The following TAB2 variants were observed in gnomAD, a reference collection of about 807,000 sequenced individuals.
TAB2 encodes the protein TGF-beta-activated kinase 1 and MAP3K7-binding protein 2.
A neutral mutation model predicts 65.0 loss-of-function variants in TAB2; 3 were observed. The ratio of observed to expected loss-of-function variants is 0.05; its 90% CI spans 0.02 to 0.12. TAB2 has a LOEUF of 0.12. Ranked by LOEUF, TAB2 falls within the 10% of genes least tolerant of loss-of-function variation. The pLI, the probability that TAB2 is intolerant of heterozygous loss-of-function variation, is 1.00. For missense variants in TAB2, 623 were observed against 840.3 expected (o/e 0.74, Z 3.20); for synonymous variants, 298 against 285.1 (o/e 1.05, Z -0.46).
intron 1 of TAB2, among the ~76,000 whole-genome samples, chr6:149,338,149 TATC>T (rs1411149990): frequency 6.6e-6 from 1 of 152,186 alleles, no homozygotes; most frequent in African/African-American, 2.4e-5. Flanking sequence ...AGGTCTGAGG[TATC>T]ATCCTGTAAC....
At chr6:149,260,108 G>T (rs1353465788) in intron 1 of TAB2, among the ~76,000 whole-genome samples, 1 of 152,190 alleles carries the variant, frequency 6.6e-6, no homozygotes, top group Non-Finnish European at 1.5e-5. Flanking sequence ...TCTGGGAAGG[G>T]ATAGTTGGAT....
At chr6:149,383,439 T>C (rs1456590440) in intron 3 of TAB2, among the ~76,000 whole-genome samples, 1 of 152,192 alleles carries the variant, frequency 6.6e-6, no homozygotes, top group African/African-American at 2.4e-5. Flanking sequence ...ACATACAGAA[T>C]TTTATAACAT....
At chr6:149,401,016 G>T in intron 6 of TAB2, 1 of 228,990 alleles carries the variant, frequency 4.4e-6, no homozygotes, top group Admixed American at 5.4e-5. Context: ...TTATATTCTA[G>T]TAAGTTATTT....
chr6:149,220,274 T>A (rs1432251671), intron 1 of TAB2, among the ~76,000 whole-genome samples: 1 of 152,238 alleles, frequency 6.6e-6, no homozygotes, highest in Non-Finnish European at 1.5e-5. Context: ...TGGATATCCT[T>A]CTTTAATGCC....
intron 1 of TAB2, among the ~76,000 whole-genome samples, chr6:149,229,670 G>A (rs958149352): frequency 2.6e-5 from 4 of 152,090 alleles, no homozygotes; most frequent in South Asian, 4.1e-4. Context: ...GGGATCTGGG[G>A]ACCTGGTGGG....
intron 1 of TAB2, among the ~76,000 whole-genome samples, chr6:149,342,283 T>TA (rs1780154715): frequency 6.6e-6 from 1 of 152,142 alleles, no homozygotes; most frequent in African/African-American, 2.4e-5. Context: ...TGATTGGAAA[T>TA]ACGATAGTGA....
chr6:149,326,406 T>C lies in TAB2; in HGVS notation c.-90+8391T>C, dbSNP rs891679346. ...AATAAATATGCTTTAATCTTACACG[T>C]GTGCAGTTTTTATGCAATCTGTAAA... On this transcript the variant is annotated intron_variant, in intron 1 of 6. Transcript: ENST00000637181. Among the ~76,000 whole-genome samples the C allele has an allele frequency of 2.2e-4, 33 of 152,308 alleles. 1 individual carries two copies. In the Middle Eastern group the frequency reaches 0.024, roughly 110 times the overall value.
chr6:149,231,376 C>T (rs1206047462), intron 1 of TAB2, among the ~76,000 whole-genome samples: 1 of 152,172 alleles, frequency 6.6e-6, no homozygotes, highest in Non-Finnish European at 1.5e-5. Flanking sequence ...CAGCATGCAT[C>T]TGTGGTTATA....
At chr6:149,260,383 GA>G (rs372219836) in intron 1 of TAB2, among the ~76,000 whole-genome samples, 3 of 152,372 alleles carry the variant, frequency 2.0e-5, no homozygotes, top group African/African-American at 7.2e-5. Context: ...TTGGAGTGGG[GA>G]GTGCGGTACA....
intron 1 of TAB2, among the ~76,000 whole-genome samples, chr6:149,224,188 G>A (rs1777217794): frequency 6.6e-6 from 1 of 152,208 alleles, no homozygotes; most frequent in Non-Finnish European, 1.5e-5. Context: ...CAGCCCATGA[G>A]TCGGGAAGGG....
intron 2 of TAB2, among the ~76,000 whole-genome samples, chr6:149,375,892 C>A (rs960762393): frequency 1.3e-5 from 2 of 152,152 alleles, no homozygotes; most frequent in African/African-American, 4.8e-5. Flanking sequence ...AGGGGGAAGT[C>A]AAACCTTGCT....
At chr6:149,326,299 A>T (rs943054389) in intron 1 of TAB2, among the ~76,000 whole-genome samples, 3 of 151,934 alleles carry the variant, frequency 2.0e-5, no homozygotes, top group African/African-American at 7.2e-5. Flanking sequence ...AAGACAGTTT[A>T]AAAAAGTCAT....
chr6:149,403,351 C>T (rs866088933), intron 6 of TAB2, among the ~76,000 whole-genome samples: 2,312 of 130,156 alleles, frequency 0.018, 79 homozygotes, highest in South Asian at 0.088. Context: ...CACACACACA[C>T]ACACACACAC....
Position 149,403,279 on chromosome 6 carries a change from TATATAC to T in TAB2, c.1939+4097_1939+4102del, listed in dbSNP as rs1244934977. ...ATATATATATATATATATATATATA[TATATAC>T]ACACACACACATATATATATATATA... On this transcript the variant is annotated intron_variant, in intron 6 of 6. Coordinates refer to ENST00000637181, the MANE Select transcript of TAB2 (RefSeq NM_001292034.3). Among the ~76,000 whole-genome samples the T allele has an allele frequency of 1.9e-3, 77 of 40,042 alleles. 4 individuals are homozygous for T. Among genetic ancestry groups the T allele is most frequent in the Non-Finnish European group, 2.5e-3 (58 of 23,408 alleles). The allele number at this position is 40,042 out of a possible 152,430, so 26.3% of individuals were successfully genotyped here.
At chr6:149,324,775 G>A (rs1025224179) in intron 1 of TAB2, among the ~76,000 whole-genome samples, 2 of 151,908 alleles carry the variant, frequency 1.3e-5, no homozygotes, top group Non-Finnish European at 2.9e-5. Context: ...ATGAACTGGG[G>A]CCATAGGGGT....
intron 3 of TAB2, among the ~76,000 whole-genome samples, chr6:149,388,344 TCAG>T (rs1009809699): frequency 2.6e-5 from 4 of 152,096 alleles, no homozygotes; most frequent in Admixed American, 6.5e-5. Context: ...CACACCTAAT[TCAG>T]CAGGAACAGG....
chr6:149,273,186 T>C (rs1024953774), intron 1 of TAB2, among the ~76,000 whole-genome samples: 1 of 152,146 alleles, frequency 6.6e-6, no homozygotes, highest in Non-Finnish European at 1.5e-5. Context: ...CAAAGCATTA[T>C]TCAGCCCAAA....
intron 3 of TAB2, among the ~76,000 whole-genome samples, chr6:149,397,014 A>C (rs1321641724): frequency 6.6e-6 from 1 of 152,250 alleles, no homozygotes; most frequent in African/African-American, 2.4e-5. Flanking sequence ...AGGTTAACTG[A>C]AAAGACGAAA....
chr6:149,405,819 A>G (rs770177560), intron 6 of TAB2, among the ~76,000 whole-genome samples: 2 of 152,160 alleles, frequency 1.3e-5, no homozygotes, highest in South Asian at 4.1e-4. Context: ...CTGGAGATCT[A>G]GTGTACAACA....
Sources: allele counts gnomAD v4.1 joint callset (sites outside exome capture counted in the v4.1 genomes callset), GRCh38; gene constraint gnomAD v4.1.1; transcripts MANE v1.5; gene names NCBI Gene and HGNC (gene_info 2026-07-23, HGNC 2026-07-21).